ABCC9: variants seen among roughly 807,000 people sequenced by gnomAD.
ABCC9 encodes the protein ATP-binding cassette sub-family C member 9.
A neutral mutation model predicts 188.3 loss-of-function variants in ABCC9; 95 were observed. That is an observed-to-expected ratio of 0.50 (90% CI 0.43 to 0.60). The LOEUF (loss-of-function observed/expected upper bound fraction) is 0.60. Among genes scored for constraint, ABCC9 ranks in the 20% least tolerant of loss-of-function variants. The probability of loss-of-function intolerance (pLI) is 0.00; values close to 1 mark genes in which losing one functional copy is unlikely to be tolerated. For missense variants in ABCC9, 1,102 were observed against 1,876.3 expected (o/e 0.59, Z 7.62); for synonymous variants, 659 against 652.7 (o/e 1.01, Z -0.15).
At chr12:21,821,094 A>G (rs140142630) in intron 31 of ABCC9, among the ~76,000 whole-genome samples, 27 of 152,310 alleles carry the variant, frequency 1.8e-4, no homozygotes, top group African/African-American at 6.0e-4. Flanking sequence ...GAGTTTTTCT[A>G]TGAGCTGACT....
intron 4 of ABCC9, among the ~76,000 whole-genome samples, chr12:21,927,311 C>T (rs1166897301): frequency 2.6e-5 from 4 of 151,970 alleles, no homozygotes; most frequent in Admixed American, 6.6e-5. Flanking sequence ...TTGTTTTAAA[C>T]GGATAGCTCT....
chr12:21,895,176 G>A, intron 13 of ABCC9, 99 bp downstream of exon 13: 1 of 1,039,654 alleles, frequency 9.6e-7, no homozygotes, highest in East Asian at 2.4e-5. Context: ...AAGTCACAGA[G>A]GTGAGGTAAT....
intron 16 of ABCC9, among the ~76,000 whole-genome samples, chr12:21,876,170 A>C (rs1046264901): frequency 6.6e-6 from 1 of 152,212 alleles, no homozygotes; most frequent in African/African-American, 2.4e-5. Flanking sequence ...TATAAATGAA[A>C]AATTAGAAAG....
intron 4 of ABCC9, among the ~76,000 whole-genome samples, chr12:21,933,318 C>A (rs1291852756): frequency 6.6e-6 from 1 of 151,958 alleles, no homozygotes; most frequent in Non-Finnish European, 1.5e-5. Context: ...GTACAACAAA[C>A]CTCCGTGACT....
At chr12:21,871,255 C>T (rs1479216222) in intron 18 of ABCC9, among the ~76,000 whole-genome samples, 2 of 152,104 alleles carry the variant, frequency 1.3e-5, no homozygotes, top group African/African-American at 2.4e-5. Flanking sequence ...TGACTGACAC[C>T]ATCTACTGCC....
chr12:21,917,195 G>A, intron 5 of ABCC9, 92 bp from the exon 6 acceptor site: 3 of 1,317,414 alleles, frequency 2.3e-6, no homozygotes, highest in Non-Finnish European at 3.3e-6. Context: ...TAATAACAAA[G>A]GCAATTTTAT....
intron 13 of ABCC9, 79 bp from the exon 14 acceptor site, chr12:21,894,253 A>G: frequency 1.4e-6 from 2 of 1,463,022 alleles, no homozygotes; most frequent in South Asian, 1.1e-5. Context: ...GAAACCTAAC[A>G]TATTCTGCTA....
intron 31 of ABCC9, chr12:21,828,430 G>C (rs1454195859): frequency 5.3e-6 from 1 of 189,312 alleles, no homozygotes; most frequent in African/African-American, 2.4e-5. Context: ...TACAGATGAG[G>C]AACTGGGACT....
At chr12:21,803,299 A>G (rs1043052273) in intron 39 of ABCC9, among the ~76,000 whole-genome samples, 6 of 152,108 alleles carry the variant, frequency 3.9e-5, no homozygotes, top group Non-Finnish European at 7.4e-5. Context: ...CTCTAAACCC[A>G]TAAATATAAT....
chr12:21,798,132 A>G lies in ABCC9; in HGVS notation c.*2912T>C, dbSNP rs529456721. The stretch of plus-strand genomic sequence containing the variant: ...AACTAAAAGTTATGAGGGGACCAGC[A>G]ACCACTTGGCTGTAAGAATGGTGAA... On this transcript the variant is annotated 3_prime_UTR_variant, in exon 40 of 40. Coordinates refer to ENST00000261200, the MANE Select transcript of ABCC9 (RefSeq NM_020297.4). The G allele has an allele frequency of 6.6e-6, 1 of 152,340 alleles. No homozygotes were observed. Among genetic ancestry groups the G allele is most frequent in the East Asian group, 1.9e-4 (1 of 5,188 alleles). The allele number at this position is 152,340 out of a possible 1,614,324, so 9.4% of individuals were successfully genotyped here.
At chr12:21,804,436 C>G (rs1352694040) in intron 39 of ABCC9, among the ~76,000 whole-genome samples, 1 of 152,196 alleles carries the variant, frequency 6.6e-6, no homozygotes, top group African/African-American at 2.4e-5. Context: ...ACAGGGAGTT[C>G]TCTCTCTTCC....
chr12:21,903,770 G>T (rs575121588), intron 12 of ABCC9, among the ~76,000 whole-genome samples: 3 of 152,286 alleles, frequency 2.0e-5, no homozygotes, highest in Non-Finnish European at 2.9e-5. Context: ...ACTGCTCAAT[G>T]AAATAAAAGA....
At chr12:21,928,874 C>G (rs998643541) in intron 4 of ABCC9, among the ~76,000 whole-genome samples, 1 of 152,098 alleles carries the variant, frequency 6.6e-6, no homozygotes, top group South Asian at 2.1e-4. Context: ...CTAATTTTTT[C>G]CCTTAAGCTA....
intron 18 of ABCC9, among the ~76,000 whole-genome samples, chr12:21,867,395 C>A (rs572258515): frequency 1.3e-5 from 2 of 152,144 alleles, no homozygotes; most frequent in South Asian, 4.2e-4. Context: ...TAGAAAATCC[C>A]CTTCTAGAAA....
At position 21,916,970 on chromosome 12, in the gene ABCC9, C is replaced by A; in HGVS notation, c.540G>T (p.Leu180Phe). 6.2e-7 allele frequency: 1 copy of A among 1,613,756 alleles called. No homozygotes were observed. Among genetic ancestry groups the A allele is most frequent in the Non-Finnish European group, 8.5e-7 (1 of 1,179,774 alleles). The change falls in exon 6 of 40, where the codon TTG becomes TTT. Residue 180 changes from leucine to phenylalanine, a missense_variant. Coordinates refer to ENST00000261200, the MANE Select transcript of ABCC9 (RefSeq NM_020297.4). ...GAATGACATTGATCTCCACAGCCAT[C>A]AAGAGCCCATTCAAGATGACCATCA... ...TGMMVILNGLLMAVEINVIRV... is the reference protein window; with the variant it reads ...TGMMVILNGLFMAVEINVIRV...
rs77963726 is a variant in ABCC9 at position 21,831,708 on chromosome 12, T to A, written c.3567-2648A>T. Among the ~76,000 whole-genome samples, 59 of 152,198 alleles carry A rather than the reference T, an allele frequency of 3.9e-4. 1 individual carries two copies. Among genetic ancestry groups the A allele is most frequent in the African/African-American group, 1.3e-3 (55 of 41,516 alleles). ...TAAAGGATAAGCAGAATGTTTTTGGTGAACAAGGCATTCTACGCAGCAGGA... is the reference window on the plus strand; with the variant it reads ...TAAAGGATAAGCAGAATGTTTTTGGAGAACAAGGCATTCTACGCAGCAGGA... On this transcript the variant is annotated intron_variant, in intron 30 of 39. Coordinates refer to ENST00000261200, the MANE Select transcript of ABCC9 (RefSeq NM_020297.4).
rs1941395791 is a variant in ABCC9 at position 21,800,909 on chromosome 12, A to G, written c.*135T>C. 9.7e-7 allele frequency: 1 copy of G among 1,030,624 alleles called. No individual in the cohort carries two copies. The highest frequency in any genetic ancestry group is 1.4e-6 in the Non-Finnish European group (1 of 703,268). The allele number at this position is 1,030,624 out of a possible 1,614,324, so 63.8% of individuals were successfully genotyped here. A position where few individuals can be genotyped will look rare whatever the true frequency, so the allele number is the denominator to read the frequency against. ...TTGAAAAACTGTTTTAAAAACAGGA[A>G]AAATAAATGTCCACTTTTTGTGCAA... On this transcript the variant is annotated 3_prime_UTR_variant, in exon 40 of 40. Transcript: ENST00000261200.
intron 21 of ABCC9, 81 bp from the exon 22 acceptor site, chr12:21,859,747 G>A (rs1047375465): frequency 5.7e-5 from 69 of 1,203,922 alleles, no homozygotes; most frequent in South Asian, 3.6e-5. Flanking sequence ...AATTACAAAC[G>A]TCTTTTTAAA....
chr12:21,812,970 G>A (rs531883931), intron 35 of ABCC9, among the ~76,000 whole-genome samples: 12 of 152,082 alleles, frequency 7.9e-5, no homozygotes, highest in Non-Finnish European at 1.8e-4. Flanking sequence ...CAACCAAAAA[G>A]TATTTTTATC....
Sources: allele counts gnomAD v4.1 joint callset (sites outside exome capture counted in the v4.1 genomes callset), GRCh38; gene constraint gnomAD v4.1.1; transcripts MANE v1.5; gene names NCBI Gene and HGNC (gene_info 2026-07-23, HGNC 2026-07-21).